Variants in COL24A1 observed in about 807,000 individuals in gnomAD.
The protein encoded by COL24A1 is collagen alpha-1(XXIV) chain.
COL24A1 carries 224 observed loss-of-function variants against 253.9 expected under a neutral mutation model. The ratio of observed to expected loss-of-function variants is 0.88; its 90% CI spans 0.79 to 0.99. The LOEUF is 0.99. COL24A1 is among the 50% of genes least tolerant of loss of function. The pLI is 0.00. For synonymous variants in COL24A1, 685 were observed against 673.7 expected, an observed-to-expected ratio of 1.02 and a Z score of -0.26; for missense variants, 2,131 against 2,068.5, an observed-to-expected ratio of 1.03 and a Z score of -0.59.
chr1:85,786,067 G>C (rs1489888872), intron 48 of COL24A1, among the ~76,000 whole-genome samples: 2 of 152,164 alleles, frequency 1.3e-5, no homozygotes, highest in African/African-American at 4.8e-5. Context: ...GGAGAAGACA[G>C]ATGACAGAGA....
chr1:85,918,917 C>T (rs1686178444), intron 24 of COL24A1, among the ~76,000 whole-genome samples: 1 of 152,204 alleles, frequency 6.6e-6, no homozygotes, highest in Non-Finnish European at 1.5e-5. Context: ...CCCTATGCTA[C>T]TGATGTCAGA....
intron 37 of COL24A1, among the ~76,000 whole-genome samples, chr1:85,853,208 G>A (rs1326818076): frequency 6.6e-6 from 1 of 152,148 alleles, no homozygotes; most frequent in Admixed American, 6.6e-5. Context: ...AACTTAAAGA[G>A]AACATGTGGT....
At chr1:85,943,118 TAC>T (rs1688911388) in intron 24 of COL24A1, among the ~76,000 whole-genome samples, 1 of 152,220 alleles carries the variant, frequency 6.6e-6, no homozygotes, top group Admixed American at 6.5e-5. Flanking sequence ...TGAGAGCTGG[TAC>T]AGACTTTTCT....
intron 2 of COL24A1, among the ~76,000 whole-genome samples, chr1:86,127,949 A>G (rs1648571612): frequency 6.6e-6 from 1 of 152,118 alleles, no homozygotes; most frequent in South Asian, 2.1e-4. Context: ...TAGAACAACC[A>G]TCATTTTATC....
At chr1:85,747,410 G>C (rs547309645) in intron 55 of COL24A1, among the ~76,000 whole-genome samples, 64 of 151,818 alleles carry the variant, frequency 4.2e-4, no homozygotes, top group African/African-American at 1.5e-3. Context: ...CACCGTGCCC[G>C]GCCAACTTTT....
At chr1:85,865,074 T>G (rs1189338464) in intron 37 of COL24A1, among the ~76,000 whole-genome samples, 7 of 152,146 alleles carry the variant, frequency 4.6e-5, no homozygotes, top group African/African-American at 1.7e-4. Flanking sequence ...TTGGAATTCA[T>G]TACTGATGCT....
chr1:85,780,654 A>G (rs1035053557), intron 52 of COL24A1, among the ~76,000 whole-genome samples: 3 of 152,180 alleles, frequency 2.0e-5, no homozygotes, highest in Non-Finnish European at 4.4e-5. Context: ...CTCATCTGTT[A>G]AATGAAAATA....
intron 37 of COL24A1, among the ~76,000 whole-genome samples, chr1:85,858,472 C>T (rs1370598036): frequency 1.3e-5 from 2 of 152,090 alleles, no homozygotes; most frequent in Non-Finnish European, 2.9e-5. Context: ...AATCTCTTTT[C>T]CTCAGATAAT....
intron 52 of COL24A1, among the ~76,000 whole-genome samples, chr1:85,778,069 C>CTATCT (rs1553173095): frequency 1.8e-5 from 2 of 109,932 alleles, no homozygotes; most frequent in Non-Finnish European, 4.0e-5. Context: ...ATCTATCTAT[C>CTATCT]ATCTATCTCT....
chr1:86,133,006 A>C (rs567530385), intron 2 of COL24A1, among the ~76,000 whole-genome samples: 156 of 13,594 alleles, frequency 0.011, no homozygotes, highest in Non-Finnish European at 0.056. Flanking sequence ...TGAGCACGGA[A>C]TGTTCTTCCA....
chr1:85,986,127 T>C (rs1009796810), intron 20 of COL24A1, among the ~76,000 whole-genome samples: 11 of 151,846 alleles, frequency 7.2e-5, no homozygotes, highest in Admixed American at 6.6e-4. Context: ...GATTATATAT[T>C]ATTCATTATG....
At chr1:85,943,453 G>C (rs1300365564) in intron 24 of COL24A1, among the ~76,000 whole-genome samples, 1 of 152,198 alleles carries the variant, frequency 6.6e-6, no homozygotes, top group Non-Finnish European at 1.5e-5. Flanking sequence ...TTTGGTATGG[G>C]AAAGCTGAGT....
At chr1:86,061,294 C>T (rs565707100) in intron 8 of COL24A1, among the ~76,000 whole-genome samples, 7 of 152,196 alleles carry the variant, frequency 4.6e-5, no homozygotes, top group African/African-American at 1.7e-4. Flanking sequence ...CATAGGCCCA[C>T]ATTCTAGAGA....
At chr1:85,851,084 C>T (rs1207469696) in intron 37 of COL24A1, among the ~76,000 whole-genome samples, 1 of 151,190 alleles carries the variant, frequency 6.6e-6, no homozygotes, top group Non-Finnish European at 1.5e-5. Context: ...AAACTCATCA[C>T]CCTTTTTCCC....
At chr1:86,074,157 C>G (rs2101861179) in intron 7 of COL24A1, among the ~76,000 whole-genome samples, 1 of 152,260 alleles carries the variant, frequency 6.6e-6, no homozygotes, top group Admixed American at 6.5e-5. Context: ...AATTAAAAGA[C>G]ACAGACTGGC....
chr1:85,998,725 C>A (rs1695111315), intron 19 of COL24A1, among the ~76,000 whole-genome samples: 1 of 152,180 alleles, frequency 6.6e-6, no homozygotes, highest in African/African-American at 2.4e-5. Context: ...GAGATAATAT[C>A]TCTCTGGAAT....
intron 5 of COL24A1, among the ~76,000 whole-genome samples, chr1:86,110,038 T>C (rs1349756351): frequency 6.6e-6 from 1 of 152,186 alleles, no homozygotes; most frequent in Non-Finnish European, 1.5e-5. Flanking sequence ...CTGTGTGAAC[T>C]GTGAGAAATA....
chr1:85,905,881 CT>C (rs1406057327), intron 28 of COL24A1, among the ~76,000 whole-genome samples: 5 of 151,966 alleles, frequency 3.3e-5, no homozygotes, highest in African/African-American at 1.2e-4. Context: ...AGTATTTCTT[CT>C]TTTTTTCATC....
intron 23 of COL24A1, among the ~76,000 whole-genome samples, chr1:85,961,744 A>G (rs1691089192): frequency 6.6e-6 from 1 of 152,182 alleles, no homozygotes; most frequent in African/African-American, 2.4e-5. Context: ...ATGGAAGGTA[A>G]AGGGGAAGCA....
Sources: allele counts gnomAD v4.1 joint callset (sites outside exome capture counted in the v4.1 genomes callset), GRCh38; gene constraint gnomAD v4.1.1; transcripts MANE v1.5; gene names NCBI Gene and HGNC (gene_info 2026-07-23, HGNC 2026-07-21).